Variants in RRAGC observed in about 807,000 individuals in gnomAD.
RRAGC encodes ras-related GTP-binding protein C.
Under a neutral mutation model 37.1 loss-of-function variants are expected in RRAGC, and 8 were observed. The ratio of observed to expected loss-of-function variants is 0.22; its 90% CI spans 0.13 to 0.39. The LOEUF (loss-of-function observed/expected upper bound fraction) is 0.39, where lower values mean the gene tolerates loss of function less well. Among genes scored for constraint, RRAGC ranks in the 10% least tolerant of loss-of-function variants. The pLI is 1.00. For missense variants in RRAGC, 342 were observed against 497.6 expected, an observed-to-expected ratio of 0.69 and a Z score of 2.98; for synonymous variants, 190 against 181.1, an observed-to-expected ratio of 1.05 and a Z score of -0.39.
rs1641920531 is a variant in RRAGC, at chr1:38,839,243, G to T, written c.*310C>A. 2 of 261,048 alleles carry T rather than the reference G, an allele frequency of 7.7e-6. No individual in the cohort carries two copies. The highest frequency in any genetic ancestry group is 1.4e-5 in the Non-Finnish European group (2 of 140,218). 16.2% of individuals were successfully genotyped at this position (261,048 alleles called of 1,614,324 possible). A position where few individuals can be genotyped will look rare whatever the true frequency, so the allele number is the denominator to read the frequency against. The stretch of plus-strand genomic sequence containing the variant: ...ATTCCCTGGTAAGGATGGGTAACTG[G>T]TGTTATCTCCAGGTCCAAAATATCC... On this transcript the variant is annotated 3_prime_UTR_variant, in exon 7 of 7. Transcript: ENST00000373001.
At chr1:38,857,174 C>T in intron 1 of RRAGC, 92 bp from the exon 2 acceptor site, 2 of 1,064,632 alleles carry the variant, frequency 1.9e-6, no homozygotes, top group Non-Finnish European at 1.4e-6. Flanking sequence ...ACATTTGATC[C>T]CACAAAAAAA....
rs770795016 is a variant in RRAGC, at chr1:38,852,383, G to A, written c.747C>T (p.Ile249=). Residue 249 remains isoleucine (I), a synonymous_variant, in exon 4 of 7, where the codon ATC becomes ATT. Transcript: ENST00000373001. ...QLPTLENLLN[I]FISNSGIEKA... ...TAAATTGCTCACTTACTGATATAAA[G>A]ATATTTAATAGGTTTTCCAAGGTCG... The A allele has an allele frequency of 6.5e-7, 1 of 1,532,098 alleles. No homozygotes were observed. The highest frequency in any genetic ancestry group is 1.1e-5 in the South Asian group (1 of 88,714). The allele number at this position is 1,532,098 out of a possible 1,614,324, so 94.9% of individuals were successfully genotyped here.
intron 4 of RRAGC, 138 bp downstream of exon 4, chr1:38,852,236 T>C (rs528468675): frequency 3.1e-6 from 2 of 637,896 alleles, no homozygotes; most frequent in Admixed American, 6.3e-5. Context: ...TCATTTATTT[T>C]ACATGTTAAG....
At position 38,839,483 on chromosome 1, in the gene RRAGC, C is replaced by G; in HGVS notation, c.*70G>C. 3.2e-6 allele frequency: 5 copies of G among 1,565,672 alleles called. No homozygotes were observed. Among genetic ancestry groups the G allele is most frequent in the Non-Finnish European group, 4.4e-6 (5 of 1,145,142 alleles). Reference sequence around the variant, plus strand: ...TCCCACAAGCAGCAGCTCCCATGTCCTGTAGCACGTGGCATCCGACCCTGG... The same window carrying G: ...TCCCACAAGCAGCAGCTCCCATGTCGTGTAGCACGTGGCATCCGACCCTGG... On this transcript the variant is annotated 3_prime_UTR_variant, in exon 7 of 7. Transcript: ENST00000373001.
At chr1:38,841,862 C>T (rs1570858695) in intron 6 of RRAGC, among the ~76,000 whole-genome samples, 1 of 152,120 alleles carries the variant, frequency 6.6e-6, no homozygotes, top group Non-Finnish European at 1.5e-5. Context: ...ATAGGCTGGG[C>T]GCGGTGGCTC....
chr1:38,858,491 A>G (rs1198211799), intron 1 of RRAGC, among the ~76,000 whole-genome samples: 1 of 152,184 alleles, frequency 6.6e-6, no homozygotes, highest in African/African-American at 2.4e-5. Context: ...TGAGGTCAGC[A>G]GTTCGAGATG....
chr1:38,851,701 T>C lies in RRAGC; in HGVS notation c.813A>G (p.Ala271=). ...LFDVVSKIYI[A]TDSSPVDMQS... is the part of the protein sequence containing the mutation. ...GCATATCCACAGGGGAACTGTCTGT[T>C]GCAATGTAGATTTTGCTGACAACAT... The change falls in exon 5 of 7, where the codon GCA becomes GCG. Residue 271 remains alanine, a synonymous_variant. Transcript: ENST00000373001. The C allele has an allele frequency of 1.9e-6, 3 of 1,604,050 alleles. No individual in the cohort carries two copies. The highest frequency in any genetic ancestry group is 2.5e-6 in the Non-Finnish European group (3 of 1,177,440).
At chr1:38,856,074 C>A (rs1642163801) in intron 2 of RRAGC, among the ~76,000 whole-genome samples, 167 bp from the exon 3 acceptor site, 2 of 152,044 alleles carry the variant, frequency 1.3e-5, no homozygotes, top group East Asian at 1.9e-4. Flanking sequence ...CTTCAATTGT[C>A]TCAAGATAAA....
intron 3 of RRAGC, among the ~76,000 whole-genome samples, chr1:38,854,187 C>A (rs1316030735): frequency 6.6e-6 from 1 of 151,840 alleles, no homozygotes; most frequent in Non-Finnish European, 1.5e-5. Context: ...CCTCTCTCAG[C>A]CTCCCAAGTA....
At chr1:38,858,310 C>G (rs938720067) in intron 1 of RRAGC, among the ~76,000 whole-genome samples, 1 of 152,050 alleles carries the variant, frequency 6.6e-6, no homozygotes, top group African/African-American at 2.4e-5. Context: ...GTGAAAAGAC[C>G]AGGTGCCTGC....
intron 3 of RRAGC, 117 bp from the exon 4 acceptor site, chr1:38,852,605 C>T (rs1192760762): frequency 8.7e-6 from 5 of 577,526 alleles, no homozygotes; most frequent in Admixed American, 6.5e-5. Flanking sequence ...TTCAATAAAG[C>T]CTCTTTATCT....
chr1:38,839,328 GA>G lies in RRAGC; in HGVS notation c.*224del. The G allele has an allele frequency of 4.9e-6, 2 of 405,410 alleles. No homozygotes were observed. The highest frequency in any genetic ancestry group is 2.0e-5 in the African/African-American group (1 of 48,976). 25.1% of individuals were successfully genotyped at this position (405,410 alleles called of 1,614,324 possible). On this transcript the variant is annotated 3_prime_UTR_variant, in exon 7 of 7. Transcript: ENST00000373001. ...ACACACTTGAGTTCTGTGGTCTCCA[GA>G]ATTTTTTTTTTTTTTTTTTGCCATT...
In RRAGC at chr1:38,859,725, C is replaced by G. The variant is rs1050860578; in HGVS notation, c.-79G>C. ...GGCCGCCGCCTCCCCAGTCCGCCTC[C>G]GCCGCCGCCGCCACCACCGCCACCG... is the stretch of plus-strand genomic sequence containing the variant. On this transcript the variant is annotated 5_prime_UTR_variant, in exon 1 of 7. Transcript: ENST00000373001. The G allele has an allele frequency of 6.1e-6, 7 of 1,142,690 alleles. No individual in the cohort carries two copies. Among genetic ancestry groups the G allele is most frequent in the Non-Finnish European group, 6.6e-6 (6 of 906,646 alleles). 70.8% of individuals were successfully genotyped at this position (1,142,690 alleles called of 1,614,324 possible).
chr1:38,858,679 G>A (rs1642197115), intron 1 of RRAGC, among the ~76,000 whole-genome samples: 1 of 152,216 alleles, frequency 6.6e-6, no homozygotes, highest in Non-Finnish European at 1.5e-5. Context: ...CAGCCTGGGC[G>A]ACAGAGCGAG....
intron 5 of RRAGC, among the ~76,000 whole-genome samples, chr1:38,849,900 T>C (rs1055684156): frequency 7.2e-5 from 11 of 152,108 alleles, no homozygotes; most frequent in Non-Finnish European, 1.5e-4. Flanking sequence ...AATGTCTCAT[T>C]TTGATTATGT....
chr1:38,854,341 T>G (rs1642141199), intron 3 of RRAGC, among the ~76,000 whole-genome samples: 1 of 152,208 alleles, frequency 6.6e-6, no homozygotes, highest in South Asian at 2.1e-4. Flanking sequence ...AGTGCTGGGA[T>G]TATAGGCATA....
At chr1:38,852,510 G>T in intron 3 of RRAGC, 22 bp from the exon 4 acceptor site, 1 of 1,093,630 alleles carries the variant, frequency 9.1e-7, no homozygotes, top group South Asian at 1.4e-5. Flanking sequence ...AACATAGCTT[G>T]ATTAATTTGA....
intron 5 of RRAGC, chr1:38,846,417 G>A (rs1251205734): frequency 5.0e-6 from 1 of 199,686 alleles, no homozygotes; most frequent in East Asian, 1.6e-4. Flanking sequence ...CCTAGACTGT[G>A]TTCTGTAAAC....
In RRAGC at chr1:38,855,753, GC is replaced by G; in HGVS notation, c.595del (p.Ala199ProfsTer10). 6.2e-7 allele frequency: 1 copy of G among 1,614,016 alleles called. No homozygotes were observed. On this transcript the variant is annotated frameshift_variant, in exon 3 of 7. Transcript: ENST00000373001. LOFTEE classifies it high-confidence loss of function. ...IETQRDIHQR[A>X]NDDLADAGLE... ...CCCAGCATCTGCAAGGTCATCATTG[GC>G]CCTTTGATGAATGTCCCTCTGTGTT...
Sources: allele counts gnomAD v4.1 joint callset (sites outside exome capture counted in the v4.1 genomes callset), GRCh38; gene constraint gnomAD v4.1.1; transcripts MANE v1.5; gene names NCBI Gene and HGNC (gene_info 2026-07-23, HGNC 2026-07-21).